The following EPRS1 variants were observed in gnomAD, a reference collection of about 807,000 sequenced individuals.
EPRS1 encodes bifunctional glutamate/proline--tRNA ligase.
Under a neutral mutation model 188.3 loss-of-function variants are expected in EPRS1, and 107 were observed. The observed-to-expected ratio is 0.57, with a 90% CI of 0.49 to 0.67. EPRS1 has a LOEUF of 0.67. Ranked by LOEUF, EPRS1 falls within the 30% of genes least tolerant of loss-of-function variation. The pLI is 0.00. For missense variants in EPRS1, 1,577 were observed against 1,802.2 expected, an observed-to-expected ratio of 0.88 and a Z score of 2.26; for synonymous variants, 596 against 593.1, an observed-to-expected ratio of 1.00 and a Z score of -0.07.
intron 12 of EPRS1, among the ~76,000 whole-genome samples, chr1:220,017,073 C>T (rs1299479820): frequency 6.6e-6 from 1 of 151,850 alleles, no homozygotes; most frequent in Non-Finnish European, 1.5e-5. Context: ...ATTAGCCAGG[C>T]ATGGTGGCAC....
intron 15 of EPRS1, 80 bp from the exon 16 acceptor site, chr1:220,005,440 C>T: frequency 1.4e-6 from 1 of 698,984 alleles, no homozygotes; most frequent in East Asian, 2.8e-5. Context: ...GCAGTTTCCA[C>T]TAACTAAAAT....
intron 29 of EPRS1, 61 bp from the exon 30 acceptor site, chr1:219,972,208 G>T: frequency 9.3e-7 from 1 of 1,076,180 alleles, no homozygotes; most frequent in Non-Finnish European, 1.4e-6. Context: ...AAAGTTTTAT[G>T]AAACACATAA....
At chr1:220,040,622 A>C (rs1662273015) in intron 1 of EPRS1, among the ~76,000 whole-genome samples, 1 of 151,928 alleles carries the variant, frequency 6.6e-6, no homozygotes, top group South Asian at 2.1e-4. Context: ...AGGCCAAGGC[A>C]GGCGGATCAC....
chr1:220,046,495 C>T lies in EPRS1; in HGVS notation c.-107G>A. 1 of 1,520,254 alleles carries T rather than the reference C, an allele frequency of 6.6e-7. No homozygotes were observed. The highest frequency in any genetic ancestry group is 2.5e-5 in the East Asian group (1 of 40,118). The allele number at this position is 1,520,254 out of a possible 1,614,324, so 94.2% of individuals were successfully genotyped here. On this transcript the variant is annotated 5_prime_UTR_variant, in exon 1 of 32. Transcript: ENST00000366923. Reference sequence around the variant, plus strand: ...CAACGTGTGCGCGTACCCGACGCCGCCGCAGCCTTCGCTCCGCCCCTGCGC... The same window carrying T: ...CAACGTGTGCGCGTACCCGACGCCGTCGCAGCCTTCGCTCCGCCCCTGCGC...
At chr1:219,985,354 G>C (rs1660987097) in intron 20 of EPRS1, among the ~76,000 whole-genome samples, 1 of 152,124 alleles carries the variant, frequency 6.6e-6, no homozygotes, top group African/African-American at 2.4e-5. Flanking sequence ...ACACATATGT[G>C]TGTGTACTGA....
Position 220,011,066 on chromosome 1 carries a change from A to G in EPRS1, c.1495-10T>C, listed in dbSNP as rs148082656. 1.9e-4 allele frequency: 277 copies of G among 1,455,758 alleles called. 1 individual carries two copies. Among genetic ancestry groups the G allele is most frequent in the Admixed American group, 4.3e-4 (26 of 59,784 alleles). 90.2% of individuals were successfully genotyped at this position (1,455,758 alleles called of 1,614,324 possible). A position where few individuals can be genotyped will look rare whatever the true frequency, so the allele number is the denominator to read the frequency against. ...CCACTGGGTCAATAACCTGCAACAA[A>G]TACATCCTCATGTTAAAACACTGCG... is the stretch of plus-strand genomic sequence containing the variant. On this transcript the variant is annotated splice_polypyrimidine_tract_variant and intron_variant, in intron 12 of 31. Coordinates refer to ENST00000366923, the MANE Select transcript of EPRS1 (RefSeq NM_004446.3).
chr1:220,036,829 A>G (rs111891929), intron 2 of EPRS1, among the ~76,000 whole-genome samples: 3 of 152,180 alleles, frequency 2.0e-5, no homozygotes, highest in African/African-American at 7.2e-5. Context: ...ACCTAAAATA[A>G]AAGTTCATAA....
Position 219,968,821 on chromosome 1 carries a change from A to C in EPRS1, c.4524T>G (p.Phe1508Leu). ...GKNPAKYYTL[F>L]GRSY is the part of the protein sequence containing the mutation. ...CGTTCATCCCTCAGTAGCTGCGACC[A>C]AATAAGGTGTAGTACTTGGCAGGGT... The change falls in exon 32 of 32, where the codon TTT becomes TTG. Residue 1508 changes from phenylalanine (F) to leucine (L), a missense_variant. By Grantham distance (22) the Phe-to-Leu change is conservative. This residue lies in a region of EPRS1 where 296 missense variants were observed against 327.9 expected (regional missense o/e 0.90). Coordinates refer to ENST00000366923, the MANE Select transcript of EPRS1 (RefSeq NM_004446.3). 1 of 1,614,168 alleles carries C rather than the reference A, an allele frequency of 6.2e-7. No individual in the cohort carries two copies. The highest frequency in any genetic ancestry group is 8.5e-7 in the Non-Finnish European group (1 of 1,180,012).
Position 219,992,980 on chromosome 1 carries a change from A to C in EPRS1, c.2541+4003T>G, listed in dbSNP as rs114768602. ...CCAGGCCCAGCAGCTCACATCAGTA[A>C]TCCCAACACTTTGAGAGGTCAAGGA... On this transcript the variant is annotated intron_variant, in intron 18 of 31. Coordinates refer to ENST00000366923, the MANE Select transcript of EPRS1 (RefSeq NM_004446.3). 4.1e-3 allele frequency among the ~76,000 whole-genome samples: 622 copies of C among 152,098 alleles called. 5 individuals are homozygous for C. Among genetic ancestry groups the C allele is most frequent in the African/African-American group, 0.014 (582 of 41,518 alleles).
At chr1:220,039,395 G>C (rs529072884) in intron 2 of EPRS1, among the ~76,000 whole-genome samples, 194 of 152,258 alleles carry the variant, frequency 1.3e-3, no homozygotes, top group African/African-American at 4.6e-3. Flanking sequence ...ACTACATGGG[G>C]AATCAGTTTG....
intron 13 of EPRS1, among the ~76,000 whole-genome samples, chr1:220,007,934 C>T (rs931627179): frequency 1.4e-4 from 22 of 152,114 alleles, no homozygotes; most frequent in African/African-American, 4.3e-4. Context: ...GGTGAAACCC[C>T]GTCTCTACTA....
At chr1:219,987,827 A>G (rs1270458218) in intron 19 of EPRS1, among the ~76,000 whole-genome samples, 1 of 152,224 alleles carries the variant, frequency 6.6e-6, no homozygotes, top group Non-Finnish European at 1.5e-5. Flanking sequence ...TTTAAAGTAA[A>G]TAAAATTAAA....
rs111897487 is a variant in EPRS1 at position 219,999,232 on chromosome 1, T to A, written c.2182-1890A>T. On this transcript the variant is annotated intron_variant, in intron 17 of 31. Transcript: ENST00000366923. ...TACACATCACAGGGAAAAGCATTATTATCCTTCAGGTTTAAAGCTGCAAAG... is the reference window on the plus strand; with the variant it reads ...TACACATCACAGGGAAAAGCATTATAATCCTTCAGGTTTAAAGCTGCAAAG... Among the ~76,000 whole-genome samples the A allele has an allele frequency of 2.6e-5, 4 of 152,170 alleles. No individual in the cohort carries two copies. In the East Asian group the frequency reaches 5.8e-4, roughly 22 times the overall value.
chr1:219,985,049 G>GAAAAAAAAAAAAAAAAAAAAAAA (rs1305874124), intron 20 of EPRS1, among the ~76,000 whole-genome samples: 1 of 95,216 alleles, frequency 1.1e-5, no homozygotes. Flanking sequence ...CGTCTCAAAA[G>GAAAAAAAAAAAAAAAAAAAAAAA]AAAAAAAAAA....
In EPRS1 at chr1:220,033,616, A is replaced by T; in HGVS notation, c.274T>A (p.Cys92Ser). ...TTAATTGTAGAAGTAAAGGAATCAC[A>T]TGAAGATAATTTTGTAGCACTGAAC... ...LEFSATKLSSCDSFTSTINEL... is the reference protein window; with the variant it reads ...LEFSATKLSSSDSFTSTINEL... The change falls in exon 4 of 32, where the codon TGT becomes AGT. Residue 92 changes from cysteine (C) to serine (S), a missense_variant. Physicochemically the swap from Cys to Ser is moderately radical, Grantham distance 112. Coordinates refer to ENST00000366923, the MANE Select transcript of EPRS1 (RefSeq NM_004446.3). The T allele has an allele frequency of 6.2e-7, 1 of 1,609,580 alleles. No homozygotes were observed. The highest frequency in any genetic ancestry group is 8.5e-7 in the Non-Finnish European group (1 of 1,176,168).
chr1:219,994,635 T>G (rs1454836631), intron 18 of EPRS1, among the ~76,000 whole-genome samples: 1 of 127,952 alleles, frequency 7.8e-6, no homozygotes, highest in Non-Finnish European at 1.6e-5. Flanking sequence ...CCGTGGTAAC[T>G]TCTTCTTTTT....
intron 9 of EPRS1, among the ~76,000 whole-genome samples, chr1:220,022,126 A>T (rs1472316051): frequency 6.6e-6 from 1 of 152,216 alleles, no homozygotes; most frequent in Non-Finnish European, 1.5e-5. Flanking sequence ...GGACTTTCAT[A>T]GATGGAAGTG....
At chr1:220,035,101 CTT>C (rs1295950645) in intron 2 of EPRS1, 88 bp from the exon 3 acceptor site, 1 of 666,394 alleles carries the variant, frequency 1.5e-6, no homozygotes, top group African/African-American at 1.9e-5. Flanking sequence ...AAAATGGAAA[CTT>C]TATTATATTT....
rs371731056 is a variant in EPRS1, at chr1:220,001,140, C to T, written c.2179G>A (p.Glu727Lys). ...CACATATCCGTAAAAGTCATTACCT[C>T]ATTTTTTGTGGCTTCTACTTTGGTC... Reference protein sequence around the residue: ...EKTKVEATKNETSAPFKERPT... With the variant: ...EKTKVEATKNKTSAPFKERPT... The change falls in exon 17 of 32, where the codon GAG (glutamate) becomes AAG (lysine). Residue 727 changes from glutamate (E) to lysine (K), a missense_variant and splice_region_variant. Glu to Lys is a moderately conservative substitution (Grantham distance 56, BLOSUM62 1). Coordinates refer to ENST00000366923, the MANE Select transcript of EPRS1 (RefSeq NM_004446.3). 1.1e-5 allele frequency: 17 copies of T among 1,571,748 alleles called. No individual in the cohort carries two copies. The highest frequency in any genetic ancestry group is 3.3e-5 in the South Asian group (3 of 90,300).
Sources: gnomAD v4.1 joint callset for allele counts (sites outside exome capture counted in the v4.1 genomes callset) on GRCh38, gnomAD v4.1.1 for gene constraint, gnomAD v4.1.1 regional missense constraint, MANE v1.5 for transcripts, NCBI Gene and HGNC (gene_info 2026-07-23, HGNC 2026-07-21) for gene names.